The following KLRG1 variants were observed in gnomAD, a reference collection of about 807,000 sequenced individuals.
The protein encoded by KLRG1 is killer cell lectin like receptor G1.
Under a neutral mutation model 21.8 loss-of-function variants are expected in KLRG1, and 16 were observed. The observed-to-expected ratio is 0.73, with a 90% CI of 0.50 to 1.11. KLRG1 has a LOEUF of 1.11. KLRG1 is among the 50% of genes most tolerant of loss of function. The pLI, the probability that KLRG1 is intolerant of heterozygous loss-of-function variation, is 0.00. For synonymous variants in KLRG1, 69 were observed against 75.9 expected (o/e 0.91, Z 0.47); for missense variants, 173 against 218.3 (o/e 0.79, Z 1.31).
the KLRG1 span, among the ~76,000 whole-genome samples, chr12:9,212,177 T>A: frequency 6.6e-6 from 1 of 152,182 alleles, no homozygotes; most frequent in Non-Finnish European, 1.5e-5. Flanking sequence ...ACCCAGGTCT[T>A]CAGGCCTGCC....
chr12:9,175,991 A>G, the KLRG1 span, among the ~76,000 whole-genome samples: 1 of 152,226 alleles, frequency 6.6e-6, no homozygotes, highest in Non-Finnish European at 1.5e-5. Flanking sequence ...TTATTCTGTT[A>G]TAAAGATACA....
chr12:9,070,403 G>T, the KLRG1 span: 1 of 879,704 alleles, frequency 1.1e-6, no homozygotes, highest in Non-Finnish European at 1.8e-6. Context: ...GACTTTAATA[G>T]TATTTTGATA....
the KLRG1 span, among the ~76,000 whole-genome samples, chr12:9,196,121 A>C: frequency 6.6e-6 from 1 of 152,298 alleles, no homozygotes; most frequent in East Asian, 1.9e-4. Context: ...TACATATTAA[A>C]ATATTATCTC....
At chr12:9,079,881 A>G in the KLRG1 span, 2 of 1,377,918 alleles carry the variant, frequency 1.5e-6, no homozygotes, top group Non-Finnish European at 1.9e-6. Context: ...GTCATTAAGC[A>G]GAAATAATTA....
rs75388787 is a variant in KLRG1 at position 9,006,509 on chromosome 12, G to C, written c.358-2466G>C. Among the ~76,000 whole-genome samples, 1,514 of 152,326 alleles carry C rather than the reference G, an allele frequency of 9.9e-3. 24 individuals are homozygous for C. The highest frequency in any genetic ancestry group is 0.034 in the African/African-American group (1,412 of 41,572). ...GTGAGTAAATGGTTAGTAGGGGCTA[G>C]ATTGTGTAGGACTGTGCGTACATAG... On this transcript the variant is annotated intron_variant, in intron 3 of 4. Transcript: ENST00000356986.
the KLRG1 span, chr12:9,160,467 G>T: frequency 6.2e-7 from 1 of 1,613,644 alleles, no homozygotes; most frequent in East Asian, 2.2e-5. Flanking sequence ...TGTATATTTT[G>T]CATAGCAGAA....
chr12:9,112,564 C>T, the KLRG1 span: 1 of 1,612,096 alleles, frequency 6.2e-7, no homozygotes, highest in African/African-American at 1.3e-5. Flanking sequence ...TCCTGAAACC[C>T]CATTCAGCAC....
At chr12:9,018,315 AAAAAAC>A in the KLRG1 span, among the ~76,000 whole-genome samples, 22 of 152,152 alleles carry the variant, frequency 1.4e-4, no homozygotes, top group African/African-American at 4.1e-4. Flanking sequence ...TCCTGAGCAA[AAAAAAC>A]AAAAACAAAA....
the KLRG1 span, chr12:9,093,454 A>G: frequency 2.5e-6 from 4 of 1,592,032 alleles, no homozygotes; most frequent in Admixed American, 6.7e-5. Context: ...CATATGCAGG[A>G]AGTTACTTAC....
the KLRG1 span, among the ~76,000 whole-genome samples, chr12:9,023,967 T>C: frequency 6.6e-6 from 1 of 151,924 alleles, no homozygotes; most frequent in Non-Finnish European, 1.5e-5. Context: ...CCTTTTTCCA[T>C]TGAATTCTTT....
At chr12:9,100,712 G>A in the KLRG1 span, among the ~76,000 whole-genome samples, 1 of 152,146 alleles carries the variant, frequency 6.6e-6, no homozygotes, top group Non-Finnish European at 1.5e-5. Flanking sequence ...AGATGGAAAT[G>A]GTCTCTCGTT....
At chr12:9,184,903 C>T in the KLRG1 span, among the ~76,000 whole-genome samples, 2 of 152,100 alleles carry the variant, frequency 1.3e-5, no homozygotes, top group Admixed American at 1.3e-4. Flanking sequence ...CCAAGGTCAT[C>T]GAATAGGATA....
At position 9,009,514 on chromosome 12, in the gene KLRG1, G is replaced by C. The variant is rs1250548833; in HGVS notation, c.547G>C (p.Val183Leu). 2 of 1,613,854 alleles carry C rather than the reference G, an allele frequency of 1.2e-6. No individual in the cohort carries two copies. The highest frequency in any genetic ancestry group is 2.2e-5 in the South Asian group (2 of 91,082). The change falls in exon 5 of 5, where the codon GTG (valine) becomes CTG (leucine). Residue 183 changes from valine (V) to leucine (L), a missense_variant. By Grantham distance (32) the Val-to-Leu change is conservative. Coordinates refer to ENST00000356986, the MANE Select transcript of KLRG1 (RefSeq NM_005810.4). The part of the protein sequence containing the change: ...ASSCEVPLHW[V>L]CKKVRL ...AAGCTGTGAAGTTCCTTTACACTGGGTGTGTAAGAAGGTCAGACTTTGATA... is the reference window on the plus strand; with the variant it reads ...AAGCTGTGAAGTTCCTTTACACTGGCTGTGTAAGAAGGTCAGACTTTGATA...
chr12:9,180,497 A>G, the KLRG1 span, among the ~76,000 whole-genome samples: 4 of 152,234 alleles, frequency 2.6e-5, no homozygotes, highest in Admixed American at 2.0e-4. Context: ...ATAACTCTGC[A>G]TATCTACAAC....
At chr12:9,149,872 T>C in the KLRG1 span, among the ~76,000 whole-genome samples, 9 of 152,272 alleles carry the variant, frequency 5.9e-5, no homozygotes, top group East Asian at 1.7e-3. Context: ...TAACCTGTAG[T>C]TCTCTCTTCC....
chr12:9,199,267 GC>G, the KLRG1 span, among the ~76,000 whole-genome samples: 28 of 152,200 alleles, frequency 1.8e-4, no homozygotes, highest in African/African-American at 6.7e-4. Flanking sequence ...ATTGGCTTTT[GC>G]CCAGTAATTG....
the KLRG1 span, among the ~76,000 whole-genome samples, chr12:9,121,203 G>GA: frequency 7.9e-5 from 12 of 152,014 alleles, no homozygotes; most frequent in Non-Finnish European, 1.6e-4. This position sits in a 1 kb window ranked among gnomAD's most constrained non-coding sequence, Gnocchi z 4.4. Flanking sequence ...TTTTTAATGA[G>GA]AAAAAATATT....
the KLRG1 span, among the ~76,000 whole-genome samples, chr12:9,129,024 A>T: frequency 6.6e-6 from 1 of 152,102 alleles, no homozygotes; most frequent in Non-Finnish European, 1.5e-5. Flanking sequence ...TTGCTTTTGA[A>T]TGTTACCAGC....
the KLRG1 span, among the ~76,000 whole-genome samples, chr12:9,082,108 G>T: frequency 6.6e-6 from 1 of 152,136 alleles, no homozygotes; most frequent in Non-Finnish European, 1.5e-5. Flanking sequence ...AAATATGCTT[G>T]ACCTGGGAGT....
Sources: gnomAD v4.1 joint callset for allele counts (sites outside exome capture counted in the v4.1 genomes callset) on GRCh38, gnomAD v4.1.1 for gene constraint, Gnocchi (gnomAD v3.1) non-coding constraint, MANE v1.5 for transcripts, NCBI Gene and HGNC (gene_info 2026-07-23, HGNC 2026-07-21) for gene names.